NCALD: variants seen among roughly 807,000 people sequenced by gnomAD.
NCALD encodes the protein neurocalcin delta.
A neutral mutation model predicts 18.6 loss-of-function variants in NCALD; 10 were observed. That is an observed-to-expected ratio of 0.54 (90% CI 0.33 to 0.91). The LOEUF is 0.91. Among genes scored for constraint, NCALD ranks in the 40% least tolerant of loss-of-function variants. The pLI is 0.03. For missense variants in NCALD, 184 were observed against 247.6 expected, an observed-to-expected ratio of 0.74 and a Z score of 1.72; for synonymous variants, 88 against 87.4, an observed-to-expected ratio of 1.01 and a Z score of -0.04.
At chr8:101,770,527 G>T (rs532748165) in intron 1 of NCALD, among the ~76,000 whole-genome samples, 5 of 152,228 alleles carry the variant, frequency 3.3e-5, no homozygotes, top group African/African-American at 9.6e-5. Context: ...AAACTCCTGG[G>T]GGGGCTTCCT....
At chr8:101,732,408 G>T (rs1184449361) in intron 1 of NCALD, among the ~76,000 whole-genome samples, 1 of 151,922 alleles carries the variant, frequency 6.6e-6, no homozygotes, top group Admixed American at 6.5e-5. Flanking sequence ...ATTGACTCAA[G>T]ACCCTCCATA....
chr8:102,043,829 G>A (rs888134579), intron 1 of NCALD, among the ~76,000 whole-genome samples: 1 of 151,632 alleles, frequency 6.6e-6, no homozygotes, highest in Non-Finnish European at 1.5e-5. Context: ...TGGCGTTAGG[G>A]GGCTTGGAAG....
intron 3 of NCALD, among the ~76,000 whole-genome samples, chr8:101,903,000 G>A (rs932234446): frequency 6.6e-6 from 1 of 152,116 alleles, no homozygotes; most frequent in Non-Finnish European, 1.5e-5. Flanking sequence ...CGATTTTAAA[G>A]GCTTACAGCC....
chr8:101,693,300 C>G (rs933666447), intron 2 of NCALD: 36 of 138,926 alleles, frequency 2.6e-4, no homozygotes, highest in Admixed American at 5.2e-4. Flanking sequence ...ACTAGAGGTA[C>G]TCCCCACCAC....
chr8:101,901,035 G>A (rs750746402), intron 3 of NCALD, among the ~76,000 whole-genome samples: 2 of 151,942 alleles, frequency 1.3e-5, no homozygotes, highest in African/African-American at 2.4e-5. Context: ...TTTAGGGTTT[G>A]CATGCAAAAT....
chr8:102,021,619 G>A (rs755795417), intron 1 of NCALD, among the ~76,000 whole-genome samples: 5 of 152,184 alleles, frequency 3.3e-5, no homozygotes, highest in Non-Finnish European at 5.9e-5. Context: ...CTCTAGCCAC[G>A]CCCTGGCACC....
intron 2 of NCALD, among the ~76,000 whole-genome samples, chr8:101,936,813 C>T (rs1365194787): frequency 6.6e-6 from 1 of 152,130 alleles, no homozygotes; most frequent in Non-Finnish European, 1.5e-5. Flanking sequence ...GTGTTTTAAG[C>T]TCAGAATATT....
At chr8:101,762,905 T>C (rs1292070565) in intron 1 of NCALD, among the ~76,000 whole-genome samples, 1 of 152,206 alleles carries the variant, frequency 6.6e-6, no homozygotes, top group African/African-American at 2.4e-5. Flanking sequence ...GGACAATAGA[T>C]GCTCAACTGA....
At chr8:101,971,183 ACT>A (rs902688146) in intron 2 of NCALD, among the ~76,000 whole-genome samples, 1 of 152,098 alleles carries the variant, frequency 6.6e-6, no homozygotes, top group Non-Finnish European at 1.5e-5. Flanking sequence ...AGCCTCAGAT[ACT>A]CTGTTACAGC....
At chr8:101,832,996 A>C (rs1814249880) in intron 4 of NCALD, among the ~76,000 whole-genome samples, 1 of 152,250 alleles carries the variant, frequency 6.6e-6, no homozygotes, top group African/African-American at 2.4e-5. Context: ...AGTATGATTG[A>C]AAATGGATAT....
At chr8:101,906,026 G>A (rs1377140971) in intron 3 of NCALD, among the ~76,000 whole-genome samples, 1 of 152,198 alleles carries the variant, frequency 6.6e-6, no homozygotes, top group Admixed American at 6.5e-5. Context: ...TTATGCAAAT[G>A]AATGCAGTTT....
In NCALD at chr8:101,892,409, G is replaced by A. The variant is rs572653087; in HGVS notation, c.-106-5182C>T. Among the ~76,000 whole-genome samples the A allele has an allele frequency of 9.4e-5, 14 of 149,012 alleles. 1 individual carries two copies. The highest frequency in any genetic ancestry group is 3.6e-4 in the African/African-American group (14 of 38,776). On this transcript the variant is annotated intron_variant, in intron 3 of 6. Transcript: ENST00000311028. ...AAAAGTAGATAAAACCACAAAGACG[G>A]GGAAAAAACAAAACAGAAAAACTGG...
At chr8:101,837,440 T>C (rs1017719634) in intron 4 of NCALD, among the ~76,000 whole-genome samples, 26 of 152,234 alleles carry the variant, frequency 1.7e-4, no homozygotes, top group African/African-American at 6.3e-4. Context: ...ATCTACACAG[T>C]TCAATCATAT....
chr8:101,697,109 G>A (rs1815031670), intron 2 of NCALD, among the ~76,000 whole-genome samples: 1 of 150,854 alleles, frequency 6.6e-6, no homozygotes, highest in African/African-American at 2.4e-5. Flanking sequence ...ATGATAAAGG[G>A]TATATCACCA....
chr8:101,856,317 C>T lies in NCALD; in HGVS notation c.-20+30824G>A, dbSNP rs187463405. On this transcript the variant is annotated intron_variant, in intron 4 of 6. Transcript: ENST00000311028. ...CCCCCAGAGTGACTTGGACCACAGG[C>T]GCACGCCACCATGCCTGGCTAACTT... Among the ~76,000 whole-genome samples, 242 of 152,140 alleles carry T rather than the reference C, an allele frequency of 1.6e-3. 1 individual carries two copies. The highest frequency in any genetic ancestry group is 2.9e-3 in the Non-Finnish European group (196 of 67,936).
chr8:102,003,830 C>G (rs534215870), intron 2 of NCALD, among the ~76,000 whole-genome samples: 28 of 152,092 alleles, frequency 1.8e-4, no homozygotes, highest in Non-Finnish European at 3.7e-4. Flanking sequence ...ATTCAACAAC[C>G]CTTCATGCTA....
Position 101,954,443 on chromosome 8 carries a change from C to A in NCALD, c.-156-38585G>T, listed in dbSNP as rs1010326990. On this transcript the variant is annotated intron_variant, in intron 2 of 6. Coordinates refer to the NCALD transcript ENST00000311028. ...TTTCTGCTTTTCTTTCCCTTCTGAA[C>A]CCACCTCTCATACTTCTCCCCTCTC... Among the ~76,000 whole-genome samples the A allele has an allele frequency of 3.3e-5, 5 of 152,166 alleles. No homozygotes were observed. In the East Asian group the frequency reaches 9.6e-4, roughly 29 times the overall value.
At chr8:101,748,365 T>G (rs1235469538) in intron 1 of NCALD, among the ~76,000 whole-genome samples, 4 of 152,244 alleles carry the variant, frequency 2.6e-5, no homozygotes, top group Non-Finnish European at 5.9e-5. Context: ...TAATTCACAG[T>G]GCACCCTAGG....
chr8:101,717,787 C>T (rs770847005), intron 2 of NCALD, among the ~76,000 whole-genome samples: 2 of 152,034 alleles, frequency 1.3e-5, no homozygotes, highest in African/African-American at 2.4e-5. Flanking sequence ...ACAACAACAA[C>T]AAAAAATAGA....
Sources: gnomAD v4.1 joint callset for allele counts (sites outside exome capture counted in the v4.1 genomes callset) on GRCh38, gnomAD v4.1.1 for gene constraint, MANE v1.5 for transcripts, NCBI Gene and HGNC (gene_info 2026-07-23, HGNC 2026-07-21) for gene names.